Variants in PLIN4 observed in about 807,000 individuals in gnomAD.
PLIN4 encodes the protein perilipin 4.
PLIN4 carries 57 observed loss-of-function variants against 52.4 expected under a neutral mutation model. That is an observed-to-expected ratio of 1.09 (90% CI 0.88 to 1.36). The LOEUF is 1.36. Ranked by LOEUF, PLIN4 falls within the 40% of genes most tolerant of loss-of-function variation. The probability of loss-of-function intolerance (pLI) is 0.00; values close to 1 mark genes in which losing one functional copy is unlikely to be tolerated. For synonymous variants in PLIN4, 826 were observed against 785.4 expected, an observed-to-expected ratio of 1.05 and a Z score of -0.86; for missense variants, 1,757 against 1,770.3, an observed-to-expected ratio of 0.99 and a Z score of 0.13.
Position 4,511,170 on chromosome 19 carries a change from G to T in PLIN4, c.2790C>A (p.Thr930=). 6.2e-7 allele frequency: 1 copy of T among 1,611,706 alleles called. No homozygotes were observed. Among genetic ancestry groups the T allele is most frequent in the Non-Finnish European group, 8.5e-7 (1 of 1,178,788 alleles). Reference sequence around the variant, plus strand: ...CGGCACCAGTGACTCCACTGCAGACGGTGTCCTTGGTACCGGTCAGGACAG... The same window carrying T: ...CGGCACCAGTGACTCCACTGCAGACTGTGTCCTTGGTACCGGTCAGGACAG... The part of the protein sequence containing the change: ...SKTVLTGTKD[T]VCSGVTGAVN... The change falls in exon 5 of 8, where the codon ACC becomes ACA. Residue 930 remains threonine, a synonymous_variant. Coordinates refer to ENST00000301286, the MANE Select transcript of PLIN4 (RefSeq NM_001367868.2).
At position 4,503,443 on chromosome 19, in the gene PLIN4, G is replaced by C. The variant is rs1485621080; in HGVS notation, c.*1016C>G. On this transcript the variant is annotated 3_prime_UTR_variant, in exon 8 of 8. Transcript: ENST00000301286. ...ACCACCAGTGTCTCTGATGCCTGCA[G>C]CCTCCCCAGCCCCGCTTCCTCTGCA... 1 of 152,642 alleles carries C rather than the reference G, an allele frequency of 6.6e-6. No homozygotes were observed. The highest frequency in any genetic ancestry group is 2.4e-5 in the African/African-American group (1 of 41,468). The allele number at this position is 152,642 out of a possible 1,614,324, so 9.5% of individuals were successfully genotyped here. A position where few individuals can be genotyped will look rare whatever the true frequency, so the allele number is the denominator to read the frequency against.
At position 4,511,934 on chromosome 19, in the gene PLIN4, T is replaced by C; in HGVS notation, c.2026A>G (p.Asn676Asp). 1.3e-6 allele frequency: 2 copies of C among 1,597,836 alleles called. No homozygotes were observed. Among genetic ancestry groups the C allele is most frequent in the Non-Finnish European group, 1.7e-6 (2 of 1,169,180 alleles). Residue 676 changes from asparagine to aspartate, a missense_variant, in exon 5 of 8, where the codon AAT (asparagine) becomes GAT (aspartate). This residue lies in a region of PLIN4 where 439 missense variants were observed against 406.4 expected (regional missense o/e 1.08). Transcript: ENST00000301286. The part of the protein sequence containing the change: ...TFGSGVTSAV[N>D]VAKGAAQTGV... ...GTCTGGGCAGCCCCTTTGGCCACAT[T>C]CACAGCACTGGTCACCCCACTGCCA...
Position 4,504,861 on chromosome 19 carries a change from C to G in PLIN4, c.3789G>C (p.Glu1263Asp). The change falls in exon 7 of 8, where the codon GAG (glutamate) becomes GAC (aspartate). Residue 1263 changes from glutamate (E) to aspartate (D), a missense_variant and splice_region_variant. Transcript: ENST00000301286. ...GACCCTAGCCCTGTGCCAGACCCAC[C>G]TCCTGGACAGCAGCGTCCTCCGCAC... The part of the protein sequence containing the change: ...GASAEDAAVQ[E>D]ERDAGVLSRV... 1 of 1,605,880 alleles carries G rather than the reference C, an allele frequency of 6.2e-7. No individual in the cohort carries two copies. The highest frequency in any genetic ancestry group is 8.5e-7 in the Non-Finnish European group (1 of 1,177,044).
intron 6 of PLIN4, among the ~76,000 whole-genome samples, chr19:4,505,549 G>A (rs1223892981): frequency 6.6e-6 from 1 of 152,118 alleles, no homozygotes; most frequent in Non-Finnish European, 1.5e-5. Flanking sequence ...GTGCGGCTTT[G>A]GTGTTCATTG....
Position 4,504,899 on chromosome 19 carries a change from C to T in PLIN4, c.3751G>A (p.Gly1251Ser). 1.9e-6 allele frequency: 3 copies of T among 1,608,380 alleles called. No homozygotes were observed. Among genetic ancestry groups the T allele is most frequent in the Non-Finnish European group, 2.5e-6 (3 of 1,178,036 alleles). Residue 1251 changes from glycine to serine, a missense_variant, in exon 7 of 8, where the codon GGC becomes AGC. Gly to Ser is a moderately conservative substitution (Grantham distance 56). Transcript: ENST00000301286. ...APEGQPRLDQ[G>S]SGASAEDAAV... ...GCGTCCTCCGCACTGGCACCTGAGCCCTGGTCCAGACGTGGCTGCCCTTCT... is the reference window on the plus strand; with the variant it reads ...GCGTCCTCCGCACTGGCACCTGAGCTCTGGTCCAGACGTGGCTGCCCTTCT...
At position 4,510,787 on chromosome 19, in the gene PLIN4, C is replaced by A. The variant is rs763228394; in HGVS notation, c.3173G>T (p.Ser1058Ile). The A allele has an allele frequency of 6.3e-7, 1 of 1,591,760 alleles. No individual in the cohort carries two copies. Among genetic ancestry groups the A allele is most frequent in the Non-Finnish European group, 8.6e-7 (1 of 1,166,044 alleles). ...GLSTFQNWLPSTPATSWGGLT... is the reference protein window; with the variant it reads ...GLSTFQNWLPITPATSWGGLT... ...TCCACCCCAGGAGGTGGCGGGGGTA[C>A]TAGGTAACCAGTTCTGGAAGGTGCT... The change falls in exon 5 of 8, where the codon AGT becomes ATT. Residue 1058 changes from serine to isoleucine, a missense_variant. Coordinates refer to ENST00000301286, the MANE Select transcript of PLIN4 (RefSeq NM_001367868.2).
rs762684785 is a variant in PLIN4 at position 4,511,605 on chromosome 19, C to T, written c.2355G>A (p.Met785Ile). The T allele has an allele frequency of 7.2e-5, 91 of 1,272,720 alleles. No homozygotes were observed. Among genetic ancestry groups the T allele is most frequent in the South Asian group, 6.3e-4 (44 of 70,120 alleles). 78.8% of individuals were successfully genotyped at this position (1,272,720 alleles called of 1,614,324 possible). A position where few individuals can be genotyped will look rare whatever the true frequency, so the allele number is the denominator to read the frequency against. ...CAGTTAACACAGTCTTGGTGGTGTC[C>T]ATGCCGGTCTGGACAGTCCCTTTGG... is the stretch of plus-strand genomic sequence containing the variant. ...KLAKGTVQTG[M>I]DTTKTVLTGT... Residue 785 changes from methionine (M) to isoleucine (I), a missense_variant, in exon 5 of 8, where the codon ATG (methionine) becomes ATA (isoleucine). Transcript: ENST00000301286.
chr19:4,517,887 T>C (rs73542164), intron 2 of PLIN4, among the ~76,000 whole-genome samples, 189 bp from the exon 3 acceptor site: 3,698 of 152,260 alleles, frequency 0.024, 167 homozygotes, highest in African/African-American at 0.085. Flanking sequence ...CTGCCTCCCA[T>C]GCACAGAGGA....
chr19:4,516,515 C>T, intron 4 of PLIN4, 102 bp downstream of exon 4: 1 of 1,384,260 alleles, frequency 7.2e-7, no homozygotes, highest in Non-Finnish European at 9.9e-7. Flanking sequence ...TGAAATGTCC[C>T]AGGAGGGAGC....
rs1255325829 is a variant in PLIN4, at chr19:4,508,807, GGCTTGGAACTGGCCGT to G, written c.3647_3662del (p.His1216ProfsTer14). 5.6e-6 allele frequency: 9 copies of G among 1,598,894 alleles called. No individual in the cohort carries two copies. The highest frequency in any genetic ancestry group is 6.8e-6 in the Non-Finnish European group (8 of 1,173,252). ...CCTGGAGCTGGGCCAGAGTGTCCCT[GGCTTGGAACTGGCCGT>G]GCTGCAGGTGGCTCACCGCGTGTTC... On this transcript the variant is annotated frameshift_variant, in exon 6 of 8. Transcript: ENST00000301286. LOFTEE classifies it high-confidence loss of function.
Position 4,513,441 on chromosome 19 carries a change from G to A in PLIN4, c.519C>T (p.Ser173=), listed in dbSNP as rs752650930. 3.7e-6 allele frequency: 6 copies of A among 1,613,328 alleles called. No homozygotes were observed. Among genetic ancestry groups the A allele is most frequent in the South Asian group, 3.3e-5 (3 of 91,084 alleles). ...CATTCACTGCCCCCGTGAGCCCAGT[G>A]GACACCGTGTCCTTGGTGCCGGTGA... The part of the protein sequence containing the change: ...AVLTGTKDTV[S]TGLTGAVNVA... The change falls in exon 5 of 8, where the codon TCC becomes TCT. Residue 173 remains serine, a synonymous_variant. Transcript: ENST00000301286.
rs771294329 is a variant in PLIN4, at chr19:4,512,546, C to T, written c.1414G>A (p.Gly472Arg). The T allele has an allele frequency of 6.2e-7, 1 of 1,611,466 alleles. No individual in the cohort carries two copies. The highest frequency in any genetic ancestry group is 8.5e-7 in the Non-Finnish European group (1 of 1,178,718). The change falls in exon 5 of 8, where the codon GGG becomes AGG. Residue 472 changes from glycine to arginine, a missense_variant. Gly to Arg is a moderately radical substitution (Grantham distance 125). Transcript: ENST00000301286. ...LTGTKDTVCSGVTGAANVAKG... is the reference protein window; with the variant it reads ...LTGTKDTVCSRVTGAANVAKG... ...GCCACATTCGCAGCACCGGTGACCC[C>T]ACTGCAGACAGTGTCCTTGGTACCA...
Position 4,504,615 on chromosome 19 carries a change from G to T in PLIN4, c.3960C>A (p.Gly1320=), listed in dbSNP as rs893548658. 6.2e-7 allele frequency: 1 copy of T among 1,603,808 alleles called. No homozygotes were observed. Among genetic ancestry groups the T allele is most frequent in the Non-Finnish European group, 8.5e-7 (1 of 1,177,944 alleles). ...CELYGIVASA[G]SVEELPAERL... is the part of the protein sequence containing the mutation. ...GCTCTGCGGGCAGCTCCTCTACAGA[G>T]CCAGCTGAGGCCACGATGCCATAGA... The change falls in exon 8 of 8, where the codon GGC becomes GGA. Residue 1320 remains glycine, a synonymous_variant. Coordinates refer to ENST00000301286, the MANE Select transcript of PLIN4 (RefSeq NM_001367868.2).
chr19:4,508,852 T>C lies in PLIN4; in HGVS notation c.3618A>G (p.Ala1206=). 6.2e-7 allele frequency: 1 copy of C among 1,611,570 alleles called. No individual in the cohort carries two copies. Residue 1206 remains alanine (A), a synonymous_variant, in exon 6 of 8, where the codon GCA becomes GCG. Coordinates refer to ENST00000301286, the MANE Select transcript of PLIN4 (RefSeq NM_001367868.2). ...GCAGGTGGCTCACCGCGTGTTCAAA[T>C]GCCCGCTGGCGGAAGCTGGGACCCA... The part of the protein sequence containing the change: ...GDLGPSFRQR[A]FEHAVSHLQH...
chr19:4,510,191 C>T (rs957748168), intron 5 of PLIN4, among the ~76,000 whole-genome samples: 12 of 151,890 alleles, frequency 7.9e-5, no homozygotes, highest in African/African-American at 2.4e-4. Context: ...ACGGTGAAAC[C>T]CTGTCTCTAC....
At chr19:4,509,172 G>A (rs968618215) in intron 5 of PLIN4, among the ~76,000 whole-genome samples, 6 of 151,598 alleles carry the variant, frequency 4.0e-5, no homozygotes, top group South Asian at 4.2e-4. Context: ...TTAGCCGGGC[G>A]TGGTGGCGGG....
At chr19:4,510,277 G>A (rs969362164) in intron 5 of PLIN4, among the ~76,000 whole-genome samples, 169 bp downstream of exon 5, 7 of 151,550 alleles carry the variant, frequency 4.6e-5, no homozygotes, top group East Asian at 3.9e-4. Flanking sequence ...GAGGCAGGAG[G>A]ATGGCGTGAA....
Position 4,517,568 on chromosome 19 carries a change from T to C in PLIN4, c.182A>G (p.Gln61Arg). The change falls in exon 3 of 8, where the codon CAA (glutamine) becomes CGA (arginine). Residue 61 changes from glutamine (Q) to arginine (R), a missense_variant. Coordinates refer to ENST00000301286, the MANE Select transcript of PLIN4 (RefSeq NM_001367868.2). The stretch of plus-strand genomic sequence containing the variant: ...CAGCCACTCACCCTGAGCCTGTGGT[T>C]GGGCAGCCTCGGCAGCAGGCGCTCC... Reference protein sequence around the residue: ...PTGAPAAEAAQPQAQVAAHPE... With the variant: ...PTGAPAAEAARPQAQVAAHPE... 4 of 1,609,782 alleles carry C rather than the reference T, an allele frequency of 2.5e-6. No individual in the cohort carries two copies. The highest frequency in any genetic ancestry group is 3.4e-6 in the Non-Finnish European group (4 of 1,178,724).
rs745981004 is a variant in PLIN4, at chr19:4,508,955, G to C, written c.3515C>G (p.Ala1172Gly). The change falls in exon 6 of 8, where the codon GCT (alanine) becomes GGT (glycine). Residue 1172 changes from alanine (A) to glycine (G), a missense_variant and splice_region_variant. Ala to Gly is a moderately conservative substitution (Grantham distance 60). Around this residue, in one of 7 missense-constraint regions of PLIN4, gnomAD observed 712 missense variants for 637.1 expected, o/e 1.12. Coordinates refer to ENST00000301286, the MANE Select transcript of PLIN4 (RefSeq NM_001367868.2). The part of the protein sequence containing the change: ...IFHPMNAEEQ[A>G]QLAASQPGPK... ...CCCAGGCTGGGAGGCAGCCAGCTGA[G>C]CTGGAAAGGAAGGCGCACCGCTCAG... The C allele has an allele frequency of 6.2e-7, 1 of 1,609,904 alleles. No homozygotes were observed. The highest frequency in any genetic ancestry group is 1.3e-5 in the African/African-American group (1 of 74,916).
Sources: gnomAD v4.1 joint callset for allele counts (sites outside exome capture counted in the v4.1 genomes callset) on GRCh38, gnomAD v4.1.1 for gene constraint, gnomAD v4.1.1 regional missense constraint, MANE v1.5 for transcripts, NCBI Gene and HGNC (gene_info 2026-07-23, HGNC 2026-07-21) for gene names.